The following UBE2E2 variants were observed in gnomAD, a reference collection of about 807,000 sequenced individuals.
The protein encoded by UBE2E2 is ubiquitin-conjugating enzyme E2 E2.
Under a neutral mutation model 24.7 loss-of-function variants are expected in UBE2E2, and 6 were observed. That is an observed-to-expected ratio of 0.24 (90% CI 0.13 to 0.48). The LOEUF (loss-of-function observed/expected upper bound fraction) is 0.48, where lower values mean the gene tolerates loss of function less well. Ranked by LOEUF, UBE2E2 falls within the 20% of genes least tolerant of loss-of-function variation. UBE2E2 has a pLI of 0.99. For synonymous variants in UBE2E2, 104 were observed against 83.6 expected (o/e 1.24, Z -1.33); for missense variants, 169 against 245.0 (o/e 0.69, Z 2.07).
At chr3:23,239,372 C>A (rs1664386203) in intron 3 of UBE2E2, among the ~76,000 whole-genome samples, 1 of 152,142 alleles carries the variant, frequency 6.6e-6, no homozygotes, top group Non-Finnish European at 1.5e-5. Context: ...CTGTCACTGT[C>A]ATTACTTCCA....
chr3:23,225,853 G>C (rs2125328411), intron 3 of UBE2E2, among the ~76,000 whole-genome samples: 1 of 151,766 alleles, frequency 6.6e-6, no homozygotes, highest in African/African-American at 2.4e-5. Context: ...ACTCATGGGA[G>C]CCATTTTATA....
chr3:23,585,759 A>G (rs993694289), intron 5 of UBE2E2, among the ~76,000 whole-genome samples: 4 of 152,192 alleles, frequency 2.6e-5, no homozygotes, highest in African/African-American at 9.6e-5. Context: ...TTGGGAAAAT[A>G]GTAACAATCT....
At chr3:23,207,819 C>T (rs1292111149) in intron 1 of UBE2E2, among the ~76,000 whole-genome samples, 1 of 152,106 alleles carries the variant, frequency 6.6e-6, no homozygotes, top group Admixed American at 6.6e-5. Flanking sequence ...TCTGTAACAG[C>T]ATTATTGATA....
intron 3 of UBE2E2, among the ~76,000 whole-genome samples, chr3:23,418,179 T>C (rs1697691313): frequency 6.6e-6 from 1 of 152,184 alleles, no homozygotes; most frequent in African/African-American, 2.4e-5. Context: ...CCCACGGCCC[T>C]GGTGGCGTAG....
At chr3:23,458,323 G>T (rs1698725862) in intron 3 of UBE2E2, among the ~76,000 whole-genome samples, 1 of 148,406 alleles carries the variant, frequency 6.7e-6, no homozygotes, top group East Asian at 2.0e-4. Context: ...CATCTTCTAT[G>T]GGTGTGGTTC....
At chr3:23,314,563 A>T (rs1403847393) in intron 3 of UBE2E2, among the ~76,000 whole-genome samples, 1 of 152,192 alleles carries the variant, frequency 6.6e-6, no homozygotes, top group Non-Finnish European at 1.5e-5. Context: ...GTATCTTCAC[A>T]TCATTTCTTC....
At chr3:23,256,770 T>C (rs549165672) in intron 3 of UBE2E2, among the ~76,000 whole-genome samples, 4 of 152,352 alleles carry the variant, frequency 2.6e-5, no homozygotes, top group Admixed American at 6.5e-5. Context: ...TATCTACTTA[T>C]CTCTAAGGCC....
intron 2 of UBE2E2, 126 bp downstream of exon 2, chr3:23,209,001 C>A: frequency 9.5e-7 from 1 of 1,052,974 alleles, no homozygotes; most frequent in Non-Finnish European, 1.3e-6. Context: ...TTTCTTTTCC[C>A]TTCAAGATGA....
intron 5 of UBE2E2, among the ~76,000 whole-genome samples, chr3:23,544,343 A>G (rs1695466175): frequency 6.6e-6 from 1 of 152,202 alleles, no homozygotes; most frequent in African/African-American, 2.4e-5. Flanking sequence ...TCTACAAGGA[A>G]CTCAAATCAG....
chr3:23,530,835 A>G (rs1382003542), intron 4 of UBE2E2, among the ~76,000 whole-genome samples: 1 of 152,108 alleles, frequency 6.6e-6, no homozygotes, highest in East Asian at 1.9e-4. Flanking sequence ...CCACTTTATT[A>G]AGACTGAGTA....
intron 3 of UBE2E2, among the ~76,000 whole-genome samples, chr3:23,345,261 C>A (rs1695518746): frequency 6.6e-6 from 1 of 152,184 alleles, no homozygotes; most frequent in African/African-American, 2.4e-5. Flanking sequence ...GAGTTAGGTT[C>A]ATACCTCCTT....
intron 3 of UBE2E2, among the ~76,000 whole-genome samples, chr3:23,330,190 A>G (rs1341501454): frequency 1.3e-5 from 2 of 152,226 alleles, no homozygotes; most frequent in Non-Finnish European, 2.9e-5. Flanking sequence ...TAATGAGCAA[A>G]TTTAAATAAA....
At chr3:23,567,129 A>C (rs994209906) in intron 5 of UBE2E2, among the ~76,000 whole-genome samples, 59 of 152,202 alleles carry the variant, frequency 3.9e-4, no homozygotes, top group African/African-American at 1.4e-3. Context: ...TAACTAAAAC[A>C]AGCCATTCCC....
At chr3:23,398,095 C>A (rs1188860515) in intron 3 of UBE2E2, among the ~76,000 whole-genome samples, 1 of 152,024 alleles carries the variant, frequency 6.6e-6, no homozygotes, top group African/African-American at 2.4e-5. Flanking sequence ...GGTGGATCAC[C>A]TGAGGTCAGG....
intron 5 of UBE2E2, among the ~76,000 whole-genome samples, chr3:23,579,051 C>G (rs953391623): frequency 6.6e-6 from 1 of 152,208 alleles, no homozygotes; most frequent in Non-Finnish European, 1.5e-5. Flanking sequence ...AGCATCCATT[C>G]TGAAGGCCAT....
At position 23,258,667 on chromosome 3, in the gene UBE2E2, G is replaced by A. The variant is rs140156238; in HGVS notation, c.227+41355G>A. On this transcript the variant is annotated intron_variant, in intron 3 of 5. Transcript: ENST00000396703. ...CCACCACGTTGGGAGGCCGAGGCGG[G>A]CAGATCACGAGCTCAGGAGATGGAG... Among the ~76,000 whole-genome samples, 100 of 152,202 alleles carry A rather than the reference G, an allele frequency of 6.6e-4. 5 individuals carry two copies. In the East Asian group the frequency reaches 0.016, roughly 24 times the overall value.
chr3:23,333,021 T>C (rs1419615345), intron 3 of UBE2E2, among the ~76,000 whole-genome samples: 2 of 152,182 alleles, frequency 1.3e-5, no homozygotes, highest in Non-Finnish European at 2.9e-5. Flanking sequence ...CTAGGAAAAG[T>C]ATGACATTGG....
intron 5 of UBE2E2, among the ~76,000 whole-genome samples, chr3:23,579,906 G>A (rs535708955): frequency 3.9e-5 from 6 of 152,234 alleles, no homozygotes; most frequent in South Asian, 4.1e-4. Context: ...TCCAACTCTC[G>A]TGGATGATTT....
At chr3:23,252,669 G>T (rs922290239) in intron 3 of UBE2E2, among the ~76,000 whole-genome samples, 2 of 152,102 alleles carry the variant, frequency 1.3e-5, no homozygotes, top group African/African-American at 4.8e-5. Context: ...GCTGATTTTT[G>T]TATTTTTAGT....
Sources: allele counts gnomAD v4.1 joint callset (sites outside exome capture counted in the v4.1 genomes callset), GRCh38; gene constraint gnomAD v4.1.1; transcripts MANE v1.5; gene names NCBI Gene and HGNC (gene_info 2026-07-23, HGNC 2026-07-21).